IL7: variants seen among roughly 807,000 people sequenced by gnomAD.
The protein encoded by IL7 is interleukin-7.
IL7 carries 3 observed loss-of-function variants against 21.6 expected under a neutral mutation model. The ratio of observed to expected loss-of-function variants is 0.14; its 90% confidence interval spans 0.06 to 0.36. IL7 has a LOEUF of 0.36. Among genes scored for constraint, IL7 ranks in the 10% least tolerant of loss-of-function variants. The probability of loss-of-function intolerance (pLI) is 1.00; values close to 1 mark genes in which losing one functional copy is unlikely to be tolerated. For missense variants in IL7, 175 were observed against 200.2 expected (o/e 0.87, Z 0.76); for synonymous variants, 62 against 68.1 (o/e 0.91, Z 0.44).
chr8:78,790,645 T>C (rs12549704), intron 2 of IL7, among the ~76,000 whole-genome samples: 4 of 152,040 alleles, frequency 2.6e-5, no homozygotes, highest in Non-Finnish European at 4.4e-5. Context: ...TAGGTAAGTA[T>C]ACAAGGAGTG....
intron 5 of IL7, among the ~76,000 whole-genome samples, chr8:78,734,593 A>G (rs993096372): frequency 3.9e-5 from 6 of 152,086 alleles, no homozygotes; most frequent in Non-Finnish European, 8.8e-5. Flanking sequence ...TTTGTTTTAC[A>G]CTCTTCACAG....
At chr8:78,697,396 C>A in intron 3 of IL7, 1 of 1,562,112 alleles carries the variant, frequency 6.4e-7, no homozygotes, top group Non-Finnish European at 8.6e-7. Context: ...ATTTTTTTTC[C>A]ATTATTTTAG....
At chr8:78,677,620 G>A (rs200173691) in intron 4 of IL7, among the ~76,000 whole-genome samples, 1 of 151,258 alleles carries the variant, frequency 6.6e-6, no homozygotes, top group African/African-American at 2.4e-5. Context: ...TCTTTTTCTA[G>A]TATCTATGTT....
At chr8:78,774,889 A>C (rs1327758345) in intron 2 of IL7, among the ~76,000 whole-genome samples, 3 of 152,140 alleles carry the variant, frequency 2.0e-5, no homozygotes, top group Admixed American at 1.3e-4. Context: ...ACCTCTACAG[A>C]ATTTCTCTGA....
chr8:78,701,838 C>G (rs960062997), intron 3 of IL7, among the ~76,000 whole-genome samples: 2 of 152,132 alleles, frequency 1.3e-5, no homozygotes, highest in Non-Finnish European at 2.9e-5. Context: ...AGGGATGAAG[C>G]CTACTTGATC....
Position 78,738,618 on chromosome 8 carries a change from G to A in IL7, c.246C>T (p.Phe82=). Residue 82 remains phenylalanine (F), a synonymous_variant, in exon 4 of 6, where the codon TTC becomes TTT. Coordinates refer to ENST00000263851, the MANE Select transcript of IL7 (RefSeq NM_000880.4). Reference sequence around the variant, plus strand: ...ATTGCCTCAACTTGCGAGCAGCACGGAATAAAAACATACCTTCCTATTATA... The same window carrying A: ...ATTGCCTCAACTTGCGAGCAGCACGAAATAAAAACATACCTTCCTATTATA... ...CDANKEGMFL[F]RAARKLRQFL... 1 of 1,613,480 alleles carries A rather than the reference G, an allele frequency of 6.2e-7. No individual in the cohort carries two copies. Among genetic ancestry groups the A allele is most frequent in the South Asian group, 1.1e-5 (1 of 91,028 alleles).
At chr8:78,675,939 G>A in exon 5 of IL7, 1 of 1,309,760 alleles carries the variant, frequency 7.6e-7, no homozygotes, top group Non-Finnish European at 1.1e-6. Flanking sequence ...ATTCTCATGG[G>A]AAGAATTTAC....
chr8:78,732,758 T>C (rs1811449895), downstream of IL7: 1 of 152,186 alleles, frequency 6.6e-6, no homozygotes, highest in Non-Finnish European at 1.5e-5. Context: ...ATTTATTAAC[T>C]GAATCTGGCA....
At chr8:78,726,590 TC>T (rs1811344183) in intron 3 of IL7, among the ~76,000 whole-genome samples, 1 of 152,020 alleles carries the variant, frequency 6.6e-6, no homozygotes, top group Admixed American at 6.6e-5. Context: ...AATAATTGTC[TC>T]CCATTCCTCC....
At chr8:78,752,220 C>G (rs916730264) in intron 2 of IL7, among the ~76,000 whole-genome samples, 5 of 152,186 alleles carry the variant, frequency 3.3e-5, no homozygotes, top group African/African-American at 1.2e-4. Flanking sequence ...ATTGTGAATA[C>G]TGCTGCAATA....
At chr8:78,735,508 C>T (rs2130669067) in intron 5 of IL7, among the ~76,000 whole-genome samples, 1 of 151,992 alleles carries the variant, frequency 6.6e-6, no homozygotes, top group East Asian at 1.9e-4. Context: ...CGGGGTTTCA[C>T]CATGTTGGCC....
In IL7 at chr8:78,800,107, A is replaced by G. The variant is rs146898880; in HGVS notation, c.11-1899T>C. On this transcript the variant is annotated intron_variant, in intron 1 of 5. Coordinates refer to ENST00000263851, the MANE Select transcript of IL7 (RefSeq NM_000880.4). ...CCACCTTTCAAAGTCTCCAATGCCT[A>G]TTATTCCACCCTGTATGTCCATCTG... 3.4e-3 allele frequency among the ~76,000 whole-genome samples: 525 copies of G among 152,230 alleles called. 2 individuals carry two copies. Among genetic ancestry groups the G allele is most frequent in the African/African-American group, 0.012 (491 of 41,536 alleles).
At chr8:78,725,363 C>T (rs1811322423) in intron 3 of IL7, among the ~76,000 whole-genome samples, 1 of 10,498 alleles carries the variant, frequency 9.5e-5, no homozygotes, top group South Asian at 2.4e-3. Flanking sequence ...GACTGTCCTC[C>T]CCTCCAAGTT....
intron 2 of IL7, among the ~76,000 whole-genome samples, chr8:78,780,815 A>G (rs573045980): frequency 8.5e-5 from 13 of 152,292 alleles, no homozygotes; most frequent in African/African-American, 3.1e-4. Flanking sequence ...TGATCTGTCT[A>G]ATATTGACAG....
At position 78,791,043 on chromosome 8, in the gene IL7, G is replaced by C. The variant is rs190613858; in HGVS notation, c.147+7029C>G. 5.6e-4 allele frequency among the ~76,000 whole-genome samples: 85 copies of C among 152,240 alleles called. 3 individuals carry two copies. In the East Asian group the frequency reaches 0.012, roughly 22 times the overall value. On this transcript the variant is annotated intron_variant, in intron 2 of 5. Transcript: ENST00000263851. ...TACAGATGAACAAAATGGAATTGGA[G>C]AGTCCAGAAATAAACCCATACATCT...
intron 2 of IL7, chr8:78,747,011 A>C (rs1244785425): frequency 4.4e-6 from 2 of 456,526 alleles, no homozygotes; most frequent in Non-Finnish European, 8.8e-6. Flanking sequence ...CATGTGCTAG[A>C]GCTAGCAAAC....
chr8:78,747,927 A>C (rs1372318964), intron 2 of IL7, among the ~76,000 whole-genome samples: 1 of 152,240 alleles, frequency 6.6e-6, no homozygotes, highest in Admixed American at 6.5e-5. Flanking sequence ...GGAGAAGGAT[A>C]CTTCACAAGA....
chr8:78,717,212 AT>A, downstream of IL7: 11 of 931,692 alleles, frequency 1.2e-5, no homozygotes, highest in Non-Finnish European at 1.7e-5. Context: ...CTAGAGGAAT[AT>A]TAAAAACGAG....
rs114735418 is a variant in IL7, at chr8:78,737,595, C to T, written c.360+909G>A. On this transcript the variant is annotated intron_variant, in intron 4 of 5. Coordinates refer to ENST00000263851, the MANE Select transcript of IL7 (RefSeq NM_000880.4). ...ATAAAGCAATGATAAATGAGGCTAT[C>T]CAAGTTATATAATAGATAATCTACA... 8.7e-3 allele frequency among the ~76,000 whole-genome samples: 1,329 copies of T among 152,140 alleles called. 17 individuals carry two copies. The highest frequency in any genetic ancestry group is 0.031 in the African/African-American group (1,273 of 41,520).
Sources: allele counts gnomAD v4.1 joint callset (sites outside exome capture counted in the v4.1 genomes callset), GRCh38; gene constraint gnomAD v4.1.1; transcripts MANE v1.5; gene names NCBI Gene and HGNC (gene_info 2026-07-23, HGNC 2026-07-21).